Variants in NRG1 observed in about 807,000 individuals in gnomAD.
NRG1 encodes the protein pro-neuregulin-1, membrane-bound isoform.
A neutral mutation model predicts 63.8 loss-of-function variants in NRG1; 18 were observed. The observed-to-expected ratio is 0.28, with a 90% CI of 0.19 to 0.42. NRG1 has a LOEUF of 0.42. NRG1 is among the 10% of genes least tolerant of loss of function. The probability of loss-of-function intolerance (pLI) is 1.00; values close to 1 mark genes in which losing one functional copy is unlikely to be tolerated. For missense variants in NRG1, 762 were observed against 814.7 expected (o/e 0.94, Z 0.79); for synonymous variants, 302 against 301.3 (o/e 1.00, Z -0.02).
chr8:32,088,106 A>G (rs538214186), intron 1 of NRG1, among the ~76,000 whole-genome samples: 39 of 152,250 alleles, frequency 2.6e-4, no homozygotes, highest in African/African-American at 7.5e-4. Context: ...GCAGAGTTCA[A>G]TCGTACCCCA....
chr8:31,892,279 A>G (rs1052233894), intron 1 of NRG1, among the ~76,000 whole-genome samples: 3 of 152,156 alleles, frequency 2.0e-5, no homozygotes, highest in African/African-American at 7.2e-5. Flanking sequence ...TTTCAGAAGG[A>G]TCAGCATAAT....
chr8:32,060,411 C>T (rs964149583), intron 1 of NRG1, among the ~76,000 whole-genome samples: 3 of 151,858 alleles, frequency 2.0e-5, no homozygotes, highest in Non-Finnish European at 4.4e-5. Context: ...AATGAGCCTC[C>T]ACCATAAAAG....
At chr8:31,780,871 G>A (rs1183677403) in intron 1 of NRG1, among the ~76,000 whole-genome samples, 1 of 152,102 alleles carries the variant, frequency 6.6e-6, no homozygotes, top group Non-Finnish European at 1.5e-5. Flanking sequence ...CTTTTTGCCT[G>A]TTTCAGGCAC....
intron 1 of NRG1, among the ~76,000 whole-genome samples, chr8:32,154,994 C>T (rs1837895840): frequency 1.3e-5 from 2 of 152,174 alleles, no homozygotes; most frequent in Admixed American, 6.5e-5. Context: ...TGCTGCATAT[C>T]GACTTGCCAA....
intron 1 of NRG1, among the ~76,000 whole-genome samples, chr8:32,275,426 A>G (rs1166414003): frequency 6.6e-6 from 1 of 152,172 alleles, no homozygotes; most frequent in Non-Finnish European, 1.5e-5. Flanking sequence ...GGACACAGAG[A>G]TGGAGAGTGA....
In NRG1 at chr8:32,753,004, A is replaced by G. The variant is rs77109047; in HGVS notation, c.692-1368A>G. Among the ~76,000 whole-genome samples, 1,252 of 152,284 alleles carry G rather than the reference A, an allele frequency of 8.2e-3. 13 individuals are homozygous for G. The highest frequency in any genetic ancestry group is 0.028 in the African/African-American group (1,148 of 41,542). ...TTTTCATTTCAAGAAAACTTCCTGC[A>G]AGCTGCCCTCTCTCAAAAGAGAAAA... is the stretch of plus-strand genomic sequence containing the variant. On this transcript the variant is annotated intron_variant, in intron 7 of 11. Transcript: ENST00000356819.
At chr8:32,484,268 A>G (rs985290105) in intron 1 of NRG1, among the ~76,000 whole-genome samples, 4 of 152,230 alleles carry the variant, frequency 2.6e-5, no homozygotes, top group Non-Finnish European at 4.4e-5. Context: ...ATGCCCAGGT[A>G]CAAACTACTG....
At chr8:32,464,009 C>T (rs1364101493) in intron 1 of NRG1, among the ~76,000 whole-genome samples, 1 of 146,882 alleles carries the variant, frequency 6.8e-6, no homozygotes, top group African/African-American at 2.5e-5. Context: ...TCTCCTGCCT[C>T]AGCCTCCCGA....
At chr8:32,517,138 AC>A (rs1312451640) in intron 1 of NRG1, among the ~76,000 whole-genome samples, 4 of 152,142 alleles carry the variant, frequency 2.6e-5, no homozygotes, top group African/African-American at 9.7e-5. Context: ...CTTTGTGGTT[AC>A]CCTGAGAAGC....
At chr8:31,866,655 A>G (rs1397842246) in intron 1 of NRG1, among the ~76,000 whole-genome samples, 1 of 152,128 alleles carries the variant, frequency 6.6e-6, no homozygotes. Flanking sequence ...AACATAGTGT[A>G]ATTTCTTGTA....
intron 1 of NRG1, among the ~76,000 whole-genome samples, chr8:32,420,459 G>A (rs377741096): frequency 6.6e-6 from 1 of 151,978 alleles, no homozygotes. Flanking sequence ...CAACATCGAA[G>A]GTTCTTTAAA....
chr8:31,770,816 G>T (rs925130745), intron 1 of NRG1, among the ~76,000 whole-genome samples: 12 of 148,142 alleles, frequency 8.1e-5, no homozygotes, highest in Admixed American at 2.0e-4. Flanking sequence ...AACTTGTTTT[G>T]TGAATTTTGA....
chr8:32,271,892 G>A (rs1851589199), intron 1 of NRG1, among the ~76,000 whole-genome samples: 1 of 152,076 alleles, frequency 6.6e-6, no homozygotes, highest in Non-Finnish European at 1.5e-5. Context: ...ACACAGCATG[G>A]CCTGCTTCTA....
intron 1 of NRG1, among the ~76,000 whole-genome samples, chr8:32,379,278 T>C (rs1403085362): frequency 2.0e-5 from 3 of 152,138 alleles, no homozygotes; most frequent in Non-Finnish European, 4.4e-5. Context: ...TTTAAGATAC[T>C]ACTCTGAAAT....
At chr8:32,759,400 A>G (rs1469454670) in exon 10 of NRG1, 7 of 1,613,964 alleles carry the variant, frequency 4.3e-6, no homozygotes, top group Non-Finnish European at 5.9e-6. Flanking sequence ...TCCACAGCCC[A>G]TCACTCCACT....
rs554807311 is a variant in NRG1, at chr8:32,734,289, A to G, written c.632+6211A>G. 2.6e-5 allele frequency among the ~76,000 whole-genome samples: 4 copies of G among 152,346 alleles called. No homozygotes were observed. The East Asian group carries it at 5.8e-4, about 22-fold the overall frequency. On this transcript the variant is annotated intron_variant, in intron 6 of 11. Coordinates refer to ENST00000356819, the Ensembl canonical transcript of NRG1. ...AATATGTATTAGTAGCTGAATTAATATAATTAAACAAGGGGGCAACGGTAC... is the reference window on the plus strand; with the variant it reads ...AATATGTATTAGTAGCTGAATTAATGTAATTAAACAAGGGGGCAACGGTAC...
At chr8:31,930,887 G>A (rs936580538) in intron 1 of NRG1, among the ~76,000 whole-genome samples, 10 of 152,098 alleles carry the variant, frequency 6.6e-5, no homozygotes, top group Non-Finnish European at 1.2e-4. Context: ...TTCAAATGCC[G>A]TATCTGAATA....
At chr8:32,604,770 A>G (rs931227644) in intron 2 of NRG1, among the ~76,000 whole-genome samples, 2 of 152,126 alleles carry the variant, frequency 1.3e-5, no homozygotes, top group African/African-American at 4.8e-5. Context: ...GTAAACTCTG[A>G]GCCAATCCCT....
At chr8:32,762,942 A>C (rs1042762281) in intron 11 of NRG1, among the ~76,000 whole-genome samples, 2 of 152,188 alleles carry the variant, frequency 1.3e-5, no homozygotes, top group Non-Finnish European at 2.9e-5. Flanking sequence ...CCAACCCTTG[A>C]GGCATCATGA....
Sources: gnomAD v4.1 joint callset for allele counts (sites outside exome capture counted in the v4.1 genomes callset) on GRCh38, gnomAD v4.1.1 for gene constraint, MANE v1.5 for transcripts, NCBI Gene and HGNC (gene_info 2026-07-23, HGNC 2026-07-21) for gene names.